Variants in TMEM130 observed in about 807,000 individuals in gnomAD.
TMEM130 encodes transmembrane protein 130.
In TMEM130, 37 loss-of-function variants were observed where a neutral mutation model predicts 42.9. The observed-to-expected ratio is 0.86, with a 90% confidence interval of 0.66 to 1.13. The LOEUF is 1.13. Ranked by LOEUF, TMEM130 falls within the 50% of genes most tolerant of loss-of-function variation. The pLI, the probability that TMEM130 is intolerant of heterozygous loss-of-function variation, is 0.00. For synonymous variants in TMEM130, 259 were observed against 237.7 expected (o/e 1.09, Z -0.82); for missense variants, 545 against 562.6 (o/e 0.97, Z 0.32).
intron 4 of TMEM130, 39 bp downstream of exon 4, chr7:98,855,978 T>C (rs782749072): frequency 1.2e-6 from 2 of 1,602,094 alleles, no homozygotes; most frequent in Non-Finnish European, 1.7e-6. Flanking sequence ...GACCCCACTC[T>C]GGAACGCCCA....
chr7:98,857,618 T>C (rs570512354), intron 3 of TMEM130, among the ~76,000 whole-genome samples: 35 of 151,900 alleles, frequency 2.3e-4, no homozygotes, highest in Admixed American at 3.9e-4. Context: ...GAGGATCACT[T>C]GAGGCCAGGA....
In TMEM130 at chr7:98,869,904, G is replaced by C; in HGVS notation, c.-43C>G. On this transcript the variant is annotated 5_prime_UTR_variant, in exon 1 of 8. Transcript: ENST00000339375. The surrounding 1 kb of genome is among the most constrained non-coding windows in gnomAD (Gnocchi z 4.7). ...GAGAAGCGTGGGGCGGACGCGGAGG[G>C]AATGCAGCTGGAGCTCGAGAACTGC... 1 of 1,274,158 alleles carries C rather than the reference G, an allele frequency of 7.8e-7. No individual in the cohort carries two copies. The highest frequency in any genetic ancestry group is 1.0e-6 in the Non-Finnish European group (1 of 998,640). 78.9% of individuals were successfully genotyped at this position (1,274,158 alleles called of 1,614,324 possible).
rs143436348 is a variant in TMEM130, at chr7:98,860,262, G to A, written c.468C>T (p.Val156=). The A allele has an allele frequency of 7.3e-5, 118 of 1,613,732 alleles. No individual in the cohort carries two copies. Among genetic ancestry groups the A allele is most frequent in the Non-Finnish European group, 9.8e-5 (116 of 1,179,882 alleles). ...PWPSSYLTKT[V]LKVSFLLHDP... ...CGTGGAGGAGGAAGGAGACTTTCAG[G>A]ACGGTCTTAGTGAGATAGGAGCTGG... Residue 156 remains valine, a synonymous_variant, in exon 3 of 8, where the codon GTC becomes GTT. Transcript: ENST00000339375.
At chr7:98,849,517 G>A (rs1486071245) in intron 6 of TMEM130, among the ~76,000 whole-genome samples, 2 of 152,336 alleles carry the variant, frequency 1.3e-5, no homozygotes, top group South Asian at 2.1e-4. Context: ...GGTGCTGAGA[G>A]ATGCAGGGCT....
At chr7:98,864,825 A>G (rs1562912665) in intron 1 of TMEM130, among the ~76,000 whole-genome samples, 1 of 152,152 alleles carries the variant, frequency 6.6e-6, no homozygotes, top group Non-Finnish European at 1.5e-5. Context: ...GCTGGAACCC[A>G]AGAGGCAGAG....
intron 5 of TMEM130, among the ~76,000 whole-genome samples, chr7:98,852,250 C>A (rs893187117): frequency 6.6e-6 from 1 of 152,080 alleles, no homozygotes; most frequent in African/African-American, 2.4e-5. Flanking sequence ...GAGCCTCAGC[C>A]TCCCAAGTAA....
chr7:98,852,910 T>A (rs782730167), intron 5 of TMEM130, among the ~76,000 whole-genome samples: 10 of 152,102 alleles, frequency 6.6e-5, no homozygotes, highest in Non-Finnish European at 1.3e-4. Flanking sequence ...AGAGCATTCT[T>A]AATGAGGTAG....
intron 1 of TMEM130, among the ~76,000 whole-genome samples, chr7:98,867,721 G>A (rs993232508): frequency 2.0e-5 from 3 of 152,110 alleles, no homozygotes; most frequent in East Asian, 1.9e-4. Flanking sequence ...ATGGGAGCCC[G>A]CCGACTCCCC....
At chr7:98,864,855 G>A (rs1043084074) in intron 1 of TMEM130, among the ~76,000 whole-genome samples, 3 of 152,138 alleles carry the variant, frequency 2.0e-5, no homozygotes, top group Non-Finnish European at 4.4e-5. Flanking sequence ...AGCCGACATC[G>A]AGCCACTGCA....
chr7:98,869,923 G>C lies in TMEM130; in HGVS notation c.-62C>G. The C allele has an allele frequency of 8.5e-7, 1 of 1,178,540 alleles. No homozygotes were observed. The highest frequency in any genetic ancestry group is 1.1e-6 in the Non-Finnish European group (1 of 925,232). The allele number at this position is 1,178,540 out of a possible 1,614,324, so 73.0% of individuals were successfully genotyped here. A position where few individuals can be genotyped will look rare whatever the true frequency, so the allele number is the denominator to read the frequency against. ...CGGAGGGAATGCAGCTGGAGCTCGAGAACTGCGGCGGTCGCTCCTCCGGGC... is the reference window on the plus strand; with the variant it reads ...CGGAGGGAATGCAGCTGGAGCTCGACAACTGCGGCGGTCGCTCCTCCGGGC... On this transcript the variant is annotated 5_prime_UTR_variant, in exon 1 of 8. Coordinates refer to ENST00000339375, the MANE Select transcript of TMEM130 (RefSeq NM_152913.3). The surrounding 1 kb of genome is among the most constrained non-coding windows in gnomAD (Gnocchi z 4.7).
At chr7:98,848,371 G>A (rs1794410755) in intron 7 of TMEM130, 163 bp from the exon 8 acceptor site, 2 of 855,178 alleles carry the variant, frequency 2.3e-6, no homozygotes, top group Admixed American at 5.2e-5. Flanking sequence ...ACAGATGCAA[G>A]AGATGGATAT....
At chr7:98,859,318 A>G (rs1794702444) in intron 3 of TMEM130, among the ~76,000 whole-genome samples, 2 of 152,222 alleles carry the variant, frequency 1.3e-5, no homozygotes, top group South Asian at 4.2e-4. Context: ...CAATAAAGAG[A>G]AACGAAGCCA....
intron 1 of TMEM130, among the ~76,000 whole-genome samples, chr7:98,863,966 C>T (rs958860683): frequency 7.2e-5 from 11 of 151,746 alleles, no homozygotes; most frequent in African/African-American, 1.9e-4. Context: ...CATCACAGTT[C>T]GCTGCAGCCT....
At chr7:98,855,051 T>TAATAA (rs782799116) in intron 5 of TMEM130, among the ~76,000 whole-genome samples, 189 bp downstream of exon 5, 33 of 152,204 alleles carry the variant, frequency 2.2e-4, no homozygotes, top group Middle Eastern at 3.4e-3. Context: ...AATAAATAAA[T>TAATAA]AATAAAATAA....
intron 4 of TMEM130, 68 bp from the exon 5 acceptor site, chr7:98,855,392 G>C: frequency 6.9e-7 from 1 of 1,446,646 alleles, no homozygotes; most frequent in Non-Finnish European, 9.5e-7. Context: ...CCAGGGCACA[G>C]GGTGGTGCGA....
Position 98,856,107 on chromosome 7 carries a change from C to G in TMEM130, c.628G>C (p.Val210Leu). The G allele has an allele frequency of 6.2e-7, 1 of 1,614,068 alleles. No individual in the cohort carries two copies. The highest frequency in any genetic ancestry group is 2.2e-5 in the East Asian group (1 of 44,882). The change falls in exon 4 of 8, where the codon GTG becomes CTG. Residue 210 changes from valine (V) to leucine (L), a missense_variant. By Grantham distance (32) the Val-to-Leu change is conservative. Transcript: ENST00000339375. ...TCCACCTCTTCCCACTCCGCCACCACTTTGAGCTTCACGGTGAAGGTCCCG... is the reference window on the plus strand; with the variant it reads ...TCCACCTCTTCCCACTCCGCCACCAGTTTGAGCTTCACGGTGAAGGTCCCG... ...IIGTFTVKLK[V>L]VAEWEEVEPD...
At chr7:98,867,591 C>G (rs1374411040) in intron 1 of TMEM130, among the ~76,000 whole-genome samples, 2 of 152,094 alleles carry the variant, frequency 1.3e-5, no homozygotes, top group Non-Finnish European at 2.9e-5. Context: ...CATGTTATCA[C>G]GCAGATCGGT....
At chr7:98,860,087 A>T in intron 3 of TMEM130, 92 bp downstream of exon 3, 4 of 1,161,614 alleles carry the variant, frequency 3.4e-6, no homozygotes, top group Non-Finnish European at 4.5e-6. Context: ...AAAAAAAATT[A>T]AAGGTGAAGA....
chr7:98,856,707 G>T (rs1794643462), intron 3 of TMEM130, among the ~76,000 whole-genome samples: 1 of 151,990 alleles, frequency 6.6e-6, no homozygotes, highest in South Asian at 2.1e-4. Context: ...ATGTTGCCCA[G>T]GCTGGTCTTG....
Sources: gnomAD v4.1 joint callset for allele counts (sites outside exome capture counted in the v4.1 genomes callset) on GRCh38, gnomAD v4.1.1 for gene constraint, Gnocchi (gnomAD v3.1) non-coding constraint, MANE v1.5 for transcripts, NCBI Gene and HGNC (gene_info 2026-07-23, HGNC 2026-07-21) for gene names.